Variants in HADH observed in about 807,000 individuals in gnomAD.
HADH encodes hydroxyacyl-coenzyme A dehydrogenase, mitochondrial.
Under a neutral mutation model 32.2 loss-of-function variants are expected in HADH, and 24 were observed. That is an observed-to-expected ratio of 0.75 (90% confidence interval 0.54 to 1.05). HADH has a LOEUF of 1.05. Among genes scored for constraint, HADH ranks in the 50% least tolerant of loss-of-function variants. The pLI is 0.00. For synonymous variants in HADH, 139 were observed against 152.5 expected, an observed-to-expected ratio of 0.91 and a Z score of 0.65; for missense variants, 350 against 397.1, an observed-to-expected ratio of 0.88 and a Z score of 1.01.
chr4:107,999,484 T>C (rs1037027587), intron 1 of HADH, among the ~76,000 whole-genome samples: 4 of 152,222 alleles, frequency 2.6e-5, no homozygotes, highest in Non-Finnish European at 4.4e-5. Context: ...TCCTTTTTTT[T>C]CCTTACTATC....
chr4:108,023,346 A>G, intron 4 of HADH, 128 bp from the exon 5 acceptor site: 1 of 682,536 alleles, frequency 1.5e-6, no homozygotes, highest in Non-Finnish European at 2.7e-6. Flanking sequence ...TGAGATTCCT[A>G]CTTCTATGCT....
In HADH at chr4:107,990,073, C is replaced by T; in HGVS notation, c.132+9C>T. Reference sequence around the variant, plus strand: ...GCGCCGGCATTGCCCAGGTGAGCGGCCCTCCCTGCAGCGTGCCCACGCGCT... The same window carrying T: ...GCGCCGGCATTGCCCAGGTGAGCGGTCCTCCCTGCAGCGTGCCCACGCGCT... On this transcript the variant is annotated intron_variant, in intron 1 of 7. Coordinates refer to ENST00000309522, the MANE Select transcript of HADH (RefSeq NM_005327.7). 1.2e-6 allele frequency: 2 copies of T among 1,605,286 alleles called. No individual in the cohort carries two copies. Among genetic ancestry groups the T allele is most frequent in the Non-Finnish European group, 1.7e-6 (2 of 1,177,342 alleles).
intron 1 of HADH, 53 bp downstream of exon 1, chr4:107,990,117 TG>T (rs1734732693): frequency 6.4e-7 from 1 of 1,556,924 alleles, no homozygotes; most frequent in Non-Finnish European, 8.7e-7. Context: ...CACCCTGAGG[TG>T]GAAGCTCTGG....
intron 3 of HADH, among the ~76,000 whole-genome samples, chr4:108,015,322 CT>C (rs1735655119): frequency 6.6e-6 from 1 of 152,198 alleles, no homozygotes; most frequent in Non-Finnish European, 1.5e-5. Context: ...AAAAGCCATT[CT>C]GACTGGTATC....
At chr4:108,000,187 A>G (rs1163578866) in intron 1 of HADH, among the ~76,000 whole-genome samples, 1 of 152,244 alleles carries the variant, frequency 6.6e-6, no homozygotes, top group East Asian at 1.9e-4. Context: ...TGGTGTTGGC[A>G]AAGAGAAGAT....
At chr4:108,029,769 C>T (rs1425796974) in intron 6 of HADH, 1 of 152,478 alleles carries the variant, frequency 6.6e-6, no homozygotes, top group African/African-American at 2.4e-5. Context: ...CGCCCTTTTG[C>T]TCTGCTGTTT....
In HADH at chr4:108,034,908, T is replaced by C; in HGVS notation, c.*551T>C. 5.0e-6 allele frequency: 1 copy of C among 199,628 alleles called. No homozygotes were observed. The highest frequency in any genetic ancestry group is 1.0e-5 in the Non-Finnish European group (1 of 95,622). The allele number at this position is 199,628 out of a possible 1,614,324, so 12.4% of individuals were successfully genotyped here. A position where few individuals can be genotyped will look rare whatever the true frequency, so the allele number is the denominator to read the frequency against. On this transcript the variant is annotated 3_prime_UTR_variant, in exon 8 of 8. Coordinates refer to ENST00000309522, the MANE Select transcript of HADH (RefSeq NM_005327.7). The stretch of plus-strand genomic sequence containing the variant: ...TTTATTCAGCTCGTCGTGAAGATGC[T>C]GCTGCTGAATGGGTCAGCATATCTC...
chr4:108,009,977 C>CTTTTTTTTTTTT (rs11388783), intron 2 of HADH, 90 bp downstream of exon 2: 25 of 552,068 alleles, frequency 4.5e-5, no homozygotes, highest in East Asian at 2.1e-4. Flanking sequence ...TTCTTTCTTT[C>CTTTTTTTTTTTT]TTTTTTTTTT....
chr4:108,013,396 A>G (rs570249620), intron 2 of HADH, among the ~76,000 whole-genome samples: 2 of 152,192 alleles, frequency 1.3e-5, no homozygotes, highest in African/African-American at 4.8e-5. Flanking sequence ...ACAGACTTTC[A>G]GCTAATTGTC....
intron 2 of HADH, 137 bp from the exon 3 acceptor site, chr4:108,014,294 A>G: frequency 1.1e-6 from 1 of 874,936 alleles, no homozygotes; most frequent in Non-Finnish European, 1.9e-6. Flanking sequence ...GGCTTCGTGG[A>G]CACTTTGAGA....
intron 6 of HADH, chr4:108,031,286 G>A (rs1014428423): frequency 6.6e-6 from 1 of 152,260 alleles, no homozygotes; most frequent in African/African-American, 2.4e-5. Flanking sequence ...GAGGAGAAGA[G>A]GCTGTCAGAA....
At chr4:108,004,236 T>C (rs1469995768) in intron 1 of HADH, among the ~76,000 whole-genome samples, 1 of 152,182 alleles carries the variant, frequency 6.6e-6, no homozygotes, top group Non-Finnish European at 1.5e-5. Context: ...ACAAGGCAGG[T>C]GTTGAGTCAA....
At chr4:108,013,479 G>A (rs1170487781) in intron 2 of HADH, among the ~76,000 whole-genome samples, 1 of 152,052 alleles carries the variant, frequency 6.6e-6, no homozygotes, top group Non-Finnish European at 1.5e-5. Flanking sequence ...GCTCAGCTCT[G>A]GCTAGCTACT....
chr4:107,992,009 G>A (rs532338398), intron 1 of HADH, among the ~76,000 whole-genome samples: 1 of 152,204 alleles, frequency 6.6e-6, no homozygotes, highest in Non-Finnish European at 1.5e-5. Context: ...ATCCATCATT[G>A]GCCAAAAATG....
At chr4:107,991,125 A>AAC (rs1243796269) in intron 1 of HADH, among the ~76,000 whole-genome samples, 1 of 151,622 alleles carries the variant, frequency 6.6e-6, no homozygotes, top group Non-Finnish European at 1.5e-5. Flanking sequence ...TGTGCGAGTG[A>AAC]TTGATTACCT....
intron 5 of HADH, chr4:108,027,485 G>C: frequency 1.6e-6 from 1 of 634,300 alleles, no homozygotes; most frequent in South Asian, 1.8e-5. Flanking sequence ...ATCTGGGTTT[G>C]AATGTTTTTT....
In HADH at chr4:108,027,971, A is replaced by G. The variant is rs538697068; in HGVS notation, c.709+211A>G. The G allele has an allele frequency of 4.4e-4, 267 of 610,468 alleles. 3 individuals carry two copies. The East Asian group carries it at 7.1e-3, about 16-fold the overall frequency. The allele number at this position is 610,468 out of a possible 1,614,324, so 37.8% of individuals were successfully genotyped here. The stretch of plus-strand genomic sequence containing the variant: ...TGGCTTCCCTGTGGGCCTCTGAGAA[A>G]GGTTTCTGGAACTCCCACCACCCCC... On this transcript the variant is annotated intron_variant, in intron 6 of 7. Coordinates refer to ENST00000309522, the MANE Select transcript of HADH (RefSeq NM_005327.7).
At position 108,009,792 on chromosome 4, in the gene HADH, G is replaced by C; in HGVS notation, c.166G>C (p.Val56Leu). 2 of 1,611,648 alleles carry C rather than the reference G, an allele frequency of 1.2e-6. No individual in the cohort carries two copies. Among genetic ancestry groups the C allele is most frequent in the Non-Finnish European group, 1.7e-6 (2 of 1,177,778 alleles). The stretch of plus-strand genomic sequence containing the variant: ...AGCAACTGGTCACACAGTAGTGTTG[G>C]TAGACCAGACAGAGGACATCCTGGC... ...AAATGHTVVL[V>L]DQTEDILAKS... Residue 56 changes from valine to leucine, a missense_variant, in exon 2 of 8, where the codon GTA (valine) becomes CTA (leucine). Val to Leu is a conservative substitution (Grantham distance 32). Coordinates refer to ENST00000309522, the MANE Select transcript of HADH (RefSeq NM_005327.7).
chr4:108,004,402 A>C (rs933513519), intron 1 of HADH: 1 of 328,592 alleles, frequency 3.0e-6, no homozygotes, highest in Non-Finnish European at 5.9e-6. Flanking sequence ...GTAACCTTTG[A>C]TCATTCAAAA....
Sources: allele counts gnomAD v4.1 joint callset (sites outside exome capture counted in the v4.1 genomes callset), GRCh38; gene constraint gnomAD v4.1.1; transcripts MANE v1.5; gene names NCBI Gene and HGNC (gene_info 2026-07-23, HGNC 2026-07-21).